RETREG1: variants seen among roughly 807,000 people sequenced by gnomAD.
RETREG1 encodes reticulophagy regulator 1.
Under a neutral mutation model 54.8 loss-of-function variants are expected in RETREG1, and 44 were observed. That is an observed-to-expected ratio of 0.80 (90% CI 0.63 to 1.03). The LOEUF is 1.03. Among genes scored for constraint, RETREG1 ranks in the 50% least tolerant of loss-of-function variants. The probability of loss-of-function intolerance (pLI) is 0.00; values close to 1 mark genes in which losing one functional copy is unlikely to be tolerated. For missense variants in RETREG1, 554 were observed against 605.1 expected, an observed-to-expected ratio of 0.92 and a Z score of 0.89; for synonymous variants, 217 against 238.5, an observed-to-expected ratio of 0.91 and a Z score of 0.83.
At chr5:16,589,519 C>T (rs1742703444) in intron 1 of RETREG1, among the ~76,000 whole-genome samples, 1 of 152,156 alleles carries the variant, frequency 6.6e-6, no homozygotes, top group African/African-American at 2.4e-5. Flanking sequence ...GCATGTGCCA[C>T]CACACCCAGT....
intron 3 of RETREG1, among the ~76,000 whole-genome samples, chr5:16,538,365 T>C (rs1297776620): frequency 1.3e-5 from 2 of 152,186 alleles, no homozygotes; most frequent in African/African-American, 2.4e-5. Context: ...TAGCTTCAAA[T>C]TGGGGGCTCT....
intron 3 of RETREG1, among the ~76,000 whole-genome samples, chr5:16,565,537 TG>T (rs1333402820): frequency 6.6e-6 from 1 of 152,130 alleles, no homozygotes; most frequent in Non-Finnish European, 1.5e-5. Context: ...CACAAATTCA[TG>T]TTGCCCAGTA....
intron 3 of RETREG1, among the ~76,000 whole-genome samples, chr5:16,542,868 A>G (rs1053519651): frequency 1.3e-5 from 2 of 152,344 alleles, no homozygotes; most frequent in South Asian, 4.1e-4. Context: ...TAAACTGCGC[A>G]TAAGTTTTAA....
chr5:16,598,510 C>T lies in RETREG1; in HGVS notation c.320+18142G>A, dbSNP rs145772731. Among the ~76,000 whole-genome samples the T allele has an allele frequency of 5.9e-5, 9 of 152,342 alleles. No homozygotes were observed. The East Asian group carries it at 1.5e-3, about 26-fold the overall frequency. On this transcript the variant is annotated intron_variant, in intron 1 of 8. Coordinates refer to ENST00000306320, the MANE Select transcript of RETREG1 (RefSeq NM_001034850.3). ...TTTGTGACTCCTTCAGCCTGGAAGG[C>T]TCTGCTTACGTTGATTCACCCAAAC...
intron 3 of RETREG1, among the ~76,000 whole-genome samples, chr5:16,546,314 G>T (rs980801132): frequency 6.6e-6 from 1 of 152,138 alleles, no homozygotes; most frequent in Non-Finnish European, 1.5e-5. Flanking sequence ...ACCACAGGCG[G>T]TGTACCACCA....
At chr5:16,523,284 C>T (rs1341245264) in intron 3 of RETREG1, among the ~76,000 whole-genome samples, 3 of 152,136 alleles carry the variant, frequency 2.0e-5, no homozygotes, top group Admixed American at 2.0e-4. Context: ...CCAGGATACC[C>T]AGATACCCTC....
Position 16,616,857 on chromosome 5 carries a change from G to T in RETREG1, c.115C>A (p.Gln39Lys). 1 of 1,509,404 alleles carries T rather than the reference G, an allele frequency of 6.6e-7. No homozygotes were observed. The highest frequency in any genetic ancestry group is 8.8e-7 in the Non-Finnish European group (1 of 1,136,608). 93.5% of individuals were successfully genotyped at this position (1,509,404 alleles called of 1,614,324 possible). The change falls in exon 1 of 9, where the codon CAG (glutamine) becomes AAG (lysine). Residue 39 changes from glutamine (Q) to lysine (K), a missense_variant. Gln to Lys is a moderately conservative substitution (Grantham distance 53). Transcript: ENST00000306320. ...GCTTCCTGCGCTTCCTCCTCCTGCT[G>T]CTGCCGCTCTGCGGGGGATGCCTGG... ...PPQASPAERQ[Q>K]QEEEAQEAGA...
chr5:16,538,497 C>T lies in RETREG1; in HGVS notation c.458+27266G>A, dbSNP rs1330475949. ...CACATTCATGATCTCATTTAATCCT[C>T]CCCAAAGCTCTGCACGATACTTCTA... On this transcript the variant is annotated intron_variant, in intron 3 of 8. Coordinates refer to ENST00000306320, the MANE Select transcript of RETREG1 (RefSeq NM_001034850.3). Among the ~76,000 whole-genome samples the T allele has an allele frequency of 2.6e-5, 4 of 152,230 alleles. No individual in the cohort carries two copies. In the South Asian group the frequency reaches 6.2e-4, roughly 24 times the overall value.
chr5:16,546,013 T>G (rs1741376190), intron 3 of RETREG1, among the ~76,000 whole-genome samples: 1 of 152,162 alleles, frequency 6.6e-6, no homozygotes, highest in Non-Finnish European at 1.5e-5. Context: ...ACCCTTTCCC[T>G]TTCCATGAGA....
At chr5:16,547,303 A>G (rs1323333256) in intron 3 of RETREG1, among the ~76,000 whole-genome samples, 2 of 152,212 alleles carry the variant, frequency 1.3e-5, no homozygotes, top group Non-Finnish European at 2.9e-5. Flanking sequence ...AATTCAAGGG[A>G]AGAATTTCAG....
intron 3 of RETREG1, among the ~76,000 whole-genome samples, chr5:16,536,503 C>T (rs1357411270): frequency 6.6e-6 from 1 of 152,114 alleles, no homozygotes; most frequent in Non-Finnish European, 1.5e-5. Flanking sequence ...CTGGTTCACC[C>T]CTGGACCCTG....
chr5:16,565,196 C>G (rs1326007400), intron 3 of RETREG1, among the ~76,000 whole-genome samples: 1 of 152,152 alleles, frequency 6.6e-6, no homozygotes, highest in African/African-American at 2.4e-5. Flanking sequence ...AGCCCCTTTA[C>G]CATAGAATGG....
rs533722109 is a variant in RETREG1, at chr5:16,595,269, CT to C, written c.320+21382del. ...TTTGTTTTTATTTCACCAGAAAGAT[CT>C]TTTTTTTAAGCACCGAGTGCATGTA... On this transcript the variant is annotated intron_variant, in intron 1 of 8. Transcript: ENST00000306320. Among the ~76,000 whole-genome samples, 803 of 152,036 alleles carry C rather than the reference CT, an allele frequency of 5.3e-3. 3 individuals are homozygous for C. The highest frequency in any genetic ancestry group is 7.7e-3 in the Non-Finnish European group (524 of 67,962).
chr5:16,486,307 T>C (rs1418895006), intron 3 of RETREG1, among the ~76,000 whole-genome samples: 1 of 152,176 alleles, frequency 6.6e-6, no homozygotes, highest in African/African-American at 2.4e-5. Flanking sequence ...GAAAAAAAGA[T>C]GTCACTCCAC....
chr5:16,508,507 A>G, intron 3 of RETREG1: 1 of 1,389,248 alleles, frequency 7.2e-7, no homozygotes, highest in South Asian at 1.2e-5. Flanking sequence ...ATTAGTCATA[A>G]TATTTTTAAA....
intron 3 of RETREG1, among the ~76,000 whole-genome samples, chr5:16,555,619 G>A (rs1410431555): frequency 6.6e-6 from 1 of 152,148 alleles, no homozygotes; most frequent in East Asian, 1.9e-4. Context: ...TTAATTTCTA[G>A]GTGATGAGTC....
intron 3 of RETREG1, among the ~76,000 whole-genome samples, chr5:16,484,593 C>A (rs1350886907): frequency 6.6e-6 from 1 of 152,140 alleles, no homozygotes; most frequent in Non-Finnish European, 1.5e-5. Context: ...ACTACCTTTG[C>A]CCTTAGATGC....
intron 1 of RETREG1, among the ~76,000 whole-genome samples, chr5:16,603,739 G>A (rs1190216299): frequency 6.6e-6 from 1 of 151,822 alleles, no homozygotes; most frequent in African/African-American, 2.4e-5. Flanking sequence ...GATTCACCTG[G>A]GATCGCATCC....
chr5:16,498,435 A>T (rs928622461), intron 3 of RETREG1, among the ~76,000 whole-genome samples: 1 of 152,252 alleles, frequency 6.6e-6, no homozygotes, highest in Non-Finnish European at 1.5e-5. Flanking sequence ...AAATGGGGCC[A>T]GGCACAGTAG....
Sources: allele counts gnomAD v4.1 joint callset (sites outside exome capture counted in the v4.1 genomes callset), GRCh38; gene constraint gnomAD v4.1.1; transcripts MANE v1.5; gene names NCBI Gene and HGNC (gene_info 2026-07-23, HGNC 2026-07-21).